The following FGGY variants were observed in gnomAD, a reference collection of about 807,000 sequenced individuals.
FGGY encodes the protein FGGY carbohydrate kinase domain-containing protein.
FGGY carries 72 observed loss-of-function variants against 71.3 expected under a neutral mutation model. The observed-to-expected ratio is 1.01, with a 90% confidence interval of 0.84 to 1.23. The LOEUF (loss-of-function observed/expected upper bound fraction) is 1.23, where lower values mean the gene tolerates loss of function less well. Among genes scored for constraint, FGGY ranks in the 50% most tolerant of loss-of-function variants. FGGY has a pLI of 0.00. For missense variants in FGGY, 668 were observed against 682.3 expected (o/e 0.98, Z 0.23); for synonymous variants, 251 against 250.3 (o/e 1.00, Z -0.02).
intron 6 of FGGY, among the ~76,000 whole-genome samples, chr1:59,497,336 C>G (rs945657993): frequency 6.6e-6 from 1 of 152,162 alleles, no homozygotes; most frequent in South Asian, 2.1e-4. Flanking sequence ...GCCTATAATC[C>G]CAGCACTTTG....
chr1:59,418,981 T>A (rs780694733), intron 5 of FGGY, among the ~76,000 whole-genome samples: 62 of 152,272 alleles, frequency 4.1e-4, no homozygotes, highest in Admixed American at 1.3e-3. Context: ...AGAAGGGGCC[T>A]GGCATACTGA....
intron 1 of FGGY, among the ~76,000 whole-genome samples, chr1:59,320,374 G>A (rs573132852): frequency 6.6e-6 from 1 of 152,318 alleles, no homozygotes; most frequent in South Asian, 2.1e-4. Context: ...TGAAGTTGAA[G>A]GATGCAGAAG....
chr1:59,572,406 G>A (rs1324783941), intron 8 of FGGY, among the ~76,000 whole-genome samples: 1 of 151,970 alleles, frequency 6.6e-6, no homozygotes, highest in African/African-American at 2.4e-5. Context: ...AGTAAAGGCT[G>A]GAGAAGCAAA....
Position 59,321,579 on chromosome 1 carries a change from G to GTACT in FGGY, c.31_34dup (p.Tyr12LeufsTer32), listed in dbSNP as rs768448062. On this transcript the variant is annotated frameshift_variant, in exon 2 of 16. Coordinates refer to ENST00000303721, the MANE Select transcript of FGGY (RefSeq NM_018291.5). LOFTEE classifies it high-confidence loss of function. ...CTGGTGGAGAACAGAAACCAGAGAG[G>GTACT]TACTATGTGGGTGTGGACGTTGGAA... 1.2e-6 allele frequency: 2 copies of GTACT among 1,613,964 alleles called. No homozygotes were observed. The highest frequency in any genetic ancestry group is 4.5e-5 in the East Asian group (2 of 44,880).
chr1:59,744,220 A>G (rs1460483158), intron 14 of FGGY, among the ~76,000 whole-genome samples: 1 of 152,206 alleles, frequency 6.6e-6, no homozygotes. Context: ...GTTAAGGCCC[A>G]AGCCATTCTG....
At chr1:59,446,452 G>T (rs1293879845) in intron 5 of FGGY, among the ~76,000 whole-genome samples, 1 of 152,150 alleles carries the variant, frequency 6.6e-6, no homozygotes, top group Non-Finnish European at 1.5e-5. Context: ...CTGTCAGCAA[G>T]TCTTGATGAA....
At chr1:59,432,661 G>T (rs982206039) in intron 5 of FGGY, among the ~76,000 whole-genome samples, 1 of 152,128 alleles carries the variant, frequency 6.6e-6, no homozygotes, top group Non-Finnish European at 1.5e-5. Context: ...CCAATCTTTT[G>T]TGCCTCCTGT....
At chr1:59,559,674 G>C (rs1359469742) in intron 8 of FGGY, among the ~76,000 whole-genome samples, 1 of 152,122 alleles carries the variant, frequency 6.6e-6, no homozygotes, top group Non-Finnish European at 1.5e-5. Context: ...AAATATACAA[G>C]ATGAGCTTGG....
At chr1:59,352,614 G>A (rs1187695051) in intron 4 of FGGY, among the ~76,000 whole-genome samples, 1 of 152,156 alleles carries the variant, frequency 6.6e-6, no homozygotes, top group Admixed American at 6.5e-5. Flanking sequence ...CTGGGGGTTT[G>A]GATGGCTAGA....
At chr1:59,695,715 C>T (rs2097651657) in intron 14 of FGGY, among the ~76,000 whole-genome samples, 1 of 152,194 alleles carries the variant, frequency 6.6e-6, no homozygotes, top group Non-Finnish European at 1.5e-5. Context: ...AAGCCCATTA[C>T]ACTGTGGTCA....
intron 12 of FGGY, among the ~76,000 whole-genome samples, chr1:59,662,334 A>G (rs948488016): frequency 7.3e-5 from 11 of 150,440 alleles, no homozygotes; most frequent in East Asian, 3.9e-4. Flanking sequence ...AAAAAAAAAA[A>G]AGAGAGAGAT....
chr1:59,415,788 C>T (rs989986296), intron 5 of FGGY, among the ~76,000 whole-genome samples: 2 of 152,190 alleles, frequency 1.3e-5, no homozygotes, highest in African/African-American at 4.8e-5. Context: ...ATTCATGTTG[C>T]CCAGCTTCTA....
intron 14 of FGGY, among the ~76,000 whole-genome samples, chr1:59,709,377 T>C (rs1483557519): frequency 6.6e-6 from 1 of 151,770 alleles, no homozygotes; most frequent in African/African-American, 2.4e-5. Flanking sequence ...ACCCCCATAA[T>C]CCAATCACTT....
chr1:59,676,857 C>A (rs192248772), intron 14 of FGGY, among the ~76,000 whole-genome samples: 99 of 152,252 alleles, frequency 6.5e-4, no homozygotes, highest in Admixed American at 1.3e-3. Flanking sequence ...CATCACTTAC[C>A]TGACAGACTC....
Position 59,309,701 on chromosome 1 carries a change from C to T in FGGY, c.-14-11835C>T, listed in dbSNP as rs116559437. ...TTAAAGCTACCAGACCAGGGCCAAGCGTGGTGGCTCTTGCCTGTAATCCCA... is the reference window on the plus strand; with the variant it reads ...TTAAAGCTACCAGACCAGGGCCAAGTGTGGTGGCTCTTGCCTGTAATCCCA... On this transcript the variant is annotated intron_variant, in intron 1 of 15. Transcript: ENST00000303721. Among the ~76,000 whole-genome samples, 470 of 151,936 alleles carry T rather than the reference C, an allele frequency of 3.1e-3. 5 individuals carry two copies. The highest frequency in any genetic ancestry group is 0.01 in the African/African-American group (431 of 41,394).
chr1:59,482,948 A>G (rs961953077), intron 6 of FGGY, among the ~76,000 whole-genome samples: 6 of 152,086 alleles, frequency 3.9e-5, no homozygotes, highest in African/African-American at 1.4e-4. Context: ...CGTCAGAACC[A>G]CCTGGGGGGA....
At chr1:59,760,685 T>C (rs1375448850) in intron 15 of FGGY, among the ~76,000 whole-genome samples, 1 of 152,182 alleles carries the variant, frequency 6.6e-6, no homozygotes. Flanking sequence ...TGAAATAAGA[T>C]AACCACAAAA....
chr1:59,316,879 C>T (rs1008947943), intron 1 of FGGY, among the ~76,000 whole-genome samples: 4 of 152,242 alleles, frequency 2.6e-5, no homozygotes, highest in African/African-American at 9.6e-5. Flanking sequence ...TTCCGCCTGA[C>T]CACCCTCCCC....
At chr1:59,650,925 T>A (rs1184360813) in intron 11 of FGGY, among the ~76,000 whole-genome samples, 3 of 150,850 alleles carry the variant, frequency 2.0e-5, no homozygotes. Flanking sequence ...GCTTTGAATG[T>A]GTCCCAGAGA....
Sources: gnomAD v4.1 joint callset for allele counts (sites outside exome capture counted in the v4.1 genomes callset) on GRCh38, gnomAD v4.1.1 for gene constraint, MANE v1.5 for transcripts, NCBI Gene and HGNC (gene_info 2026-07-23, HGNC 2026-07-21) for gene names.